The following REDIC1 variants were observed in gnomAD, a reference collection of about 807,000 sequenced individuals.
REDIC1 encodes the protein HEI10 Interacting Protein 1.
At chr12:39,626,285 G>A in the REDIC1 span, 2 of 1,604,366 alleles carry the variant, frequency 1.2e-6, no homozygotes, top group South Asian at 1.1e-5. Context: ...GCGCAGAGCT[G>A]AGATGTCTGA....
the REDIC1 span, among the ~76,000 whole-genome samples, chr12:39,714,241 ATGTATATACGTATATG>A: frequency 7.1e-6 from 1 of 140,178 alleles, no homozygotes; most frequent in African/African-American, 2.6e-5. Context: ...ATATGTATAT[ATGTATATACGTATATG>A]CATGCATATA....
chr12:39,629,139 C>A, the REDIC1 span, among the ~76,000 whole-genome samples: 1 of 152,166 alleles, frequency 6.6e-6, no homozygotes, highest in East Asian at 1.9e-4. Flanking sequence ...AACAATCGAA[C>A]ACTGGTTCTT....
At chr12:39,683,878 G>A in the REDIC1 span, among the ~76,000 whole-genome samples, 1 of 152,074 alleles carries the variant, frequency 6.6e-6, no homozygotes. Context: ...TCAGTGGGAA[G>A]GTTGCTTGCT....
the REDIC1 span, chr12:39,685,065 C>CT: frequency 3.7e-6 from 2 of 533,728 alleles, no homozygotes; most frequent in South Asian, 4.0e-5. Flanking sequence ...TTTTCTTATA[C>CT]TTTTTTATTC....
chr12:39,793,403 G>T, the REDIC1 span, among the ~76,000 whole-genome samples: 1 of 152,014 alleles, frequency 6.6e-6, no homozygotes, highest in Admixed American at 6.6e-5. Flanking sequence ...ATCCCAAATT[G>T]ATCTATAGAG....
the REDIC1 span, among the ~76,000 whole-genome samples, chr12:39,849,994 C>G: frequency 1.3e-5 from 2 of 151,960 alleles, no homozygotes; most frequent in African/African-American, 4.8e-5. Flanking sequence ...GATTCTGTGT[C>G]TTTCCTCATT....
At chr12:39,852,929 G>T in the REDIC1 span, among the ~76,000 whole-genome samples, 3 of 152,146 alleles carry the variant, frequency 2.0e-5, no homozygotes, top group Non-Finnish European at 4.4e-5. Flanking sequence ...TAGCCAATGG[G>T]AAACCTCTAG....
At chr12:39,740,180 A>G in the REDIC1 span, among the ~76,000 whole-genome samples, 1 of 152,244 alleles carries the variant, frequency 6.6e-6, no homozygotes, top group Admixed American at 6.5e-5. Context: ...TAGATGGTTT[A>G]TTACACAGCA....
At chr12:39,679,782 A>T in the REDIC1 span, among the ~76,000 whole-genome samples, 1 of 152,224 alleles carries the variant, frequency 6.6e-6, no homozygotes, top group Non-Finnish European at 1.5e-5. Flanking sequence ...TGGCACTGGT[A>T]TAAATATAGG....
chr12:39,714,320 G>T, the REDIC1 span, among the ~76,000 whole-genome samples: 529 of 111,620 alleles, frequency 4.7e-3, 15 homozygotes, highest in African/African-American at 5.8e-3. Flanking sequence ...CGTATATACA[G>T]GCATATATGT....
At chr12:39,888,793 TATA>T in the REDIC1 span, among the ~76,000 whole-genome samples, 2 of 152,266 alleles carry the variant, frequency 1.3e-5, no homozygotes, top group African/African-American at 2.4e-5. Flanking sequence ...ACCAAAATTT[TATA>T]ATATTATATT....
the REDIC1 span, among the ~76,000 whole-genome samples, chr12:39,652,502 A>G: frequency 6.6e-6 from 1 of 152,060 alleles, no homozygotes; most frequent in East Asian, 1.9e-4. Flanking sequence ...GCATCTTTTC[A>G]TGTGCATATT....
chr12:39,733,269 G>A, the REDIC1 span, among the ~76,000 whole-genome samples: 2 of 152,184 alleles, frequency 1.3e-5, no homozygotes, highest in East Asian at 3.9e-4. Flanking sequence ...TAATAATCAG[G>A]TTTTCTTTTC....
At chr12:39,715,915 G>A in the REDIC1 span, among the ~76,000 whole-genome samples, 6 of 151,836 alleles carry the variant, frequency 4.0e-5, no homozygotes, top group South Asian at 2.1e-4. Flanking sequence ...TACTTTCATT[G>A]TCAGGGAGAA....
the REDIC1 span, among the ~76,000 whole-genome samples, chr12:39,658,127 CT>C: frequency 2.6e-5 from 4 of 151,672 alleles, no homozygotes; most frequent in African/African-American, 9.7e-5. Flanking sequence ...GTTGCGCAGA[CT>C]GGAGTGCAGT....
chr12:39,702,573 A>G, the REDIC1 span, among the ~76,000 whole-genome samples: 1 of 152,148 alleles, frequency 6.6e-6, no homozygotes, highest in Non-Finnish European at 1.5e-5. Context: ...AATCCTCCCT[A>G]ACTCATTTTA....
chr12:39,764,463 A>G, the REDIC1 span: 2 of 1,570,348 alleles, frequency 1.3e-6, no homozygotes, highest in East Asian at 2.2e-5. Flanking sequence ...ATCTTACCAT[A>G]GTATGTAAGA....
At chr12:39,788,929 T>C in the REDIC1 span, among the ~76,000 whole-genome samples, 1 of 152,112 alleles carries the variant, frequency 6.6e-6, no homozygotes, top group Admixed American at 6.6e-5. Context: ...TCTTTTCTAA[T>C]ACGTATTTAA....
chr12:39,691,691 C>T, the REDIC1 span, among the ~76,000 whole-genome samples: 3 of 152,042 alleles, frequency 2.0e-5, no homozygotes, highest in Admixed American at 6.6e-5. Flanking sequence ...TGATAATAAA[C>T]GACTGATGAT....
Sources: allele counts gnomAD v4.1 joint callset (sites outside exome capture counted in the v4.1 genomes callset), GRCh38; gene constraint gnomAD v4.1.1; transcripts MANE v1.5; gene names NCBI Gene and HGNC (gene_info 2026-07-23, HGNC 2026-07-21).